Variants in ARHGEF12 observed in about 807,000 individuals in gnomAD.
ARHGEF12 encodes the protein KMT2A/ARHGEF12 fusion protein.
In ARHGEF12, 66 loss-of-function variants were observed where a neutral mutation model predicts 211.2. That is an observed-to-expected ratio of 0.31 (90% CI 0.26 to 0.38). The LOEUF (loss-of-function observed/expected upper bound fraction) is 0.38. Among genes scored for constraint, ARHGEF12 ranks in the 10% least tolerant of loss-of-function variants. The pLI is 1.00. For synonymous variants in ARHGEF12, 592 were observed against 638.4 expected (o/e 0.93, Z 1.09); for missense variants, 1,429 against 1,869.5 (o/e 0.76, Z 4.34).
At chr11:120,356,116 T>C (rs2135335970) in intron 1 of ARHGEF12, among the ~76,000 whole-genome samples, 1 of 152,396 alleles carries the variant, frequency 6.6e-6, no homozygotes. Context: ...TCTATCAGTA[T>C]GACTGCGTCT....
chr11:120,337,839 G>A (rs942423420), intron 1 of ARHGEF12: 11 of 985,320 alleles, frequency 1.1e-5, no homozygotes, highest in Non-Finnish European at 1.3e-5. Context: ...GTTCTTGCTG[G>A]AAGCAATGTC....
chr11:120,445,532 C>A, intron 16 of ARHGEF12, 68 bp downstream of exon 16: 1 of 1,460,600 alleles, frequency 6.8e-7, no homozygotes, highest in South Asian at 1.1e-5. Flanking sequence ...CTCATCTGTT[C>A]AGGTTTTATC....
intron 33 of ARHGEF12, 21 bp downstream of exon 33, chr11:120,475,528 A>T (rs1343895095): frequency 1.2e-6 from 2 of 1,608,706 alleles, no homozygotes; most frequent in South Asian, 2.2e-5. Flanking sequence ...CCACTGAAGG[A>T]TACTAATTTC....
At chr11:120,427,214 C>T (rs1333366023) in intron 7 of ARHGEF12, among the ~76,000 whole-genome samples, 4 of 152,002 alleles carry the variant, frequency 2.6e-5, no homozygotes, top group South Asian at 2.1e-4. Flanking sequence ...TCCCGCCCCC[C>T]GCAATATGTC....
intron 1 of ARHGEF12, among the ~76,000 whole-genome samples, chr11:120,352,080 A>G (rs1942996553): frequency 6.6e-6 from 1 of 152,190 alleles, no homozygotes; most frequent in Non-Finnish European, 1.5e-5. Flanking sequence ...CAATACCATT[A>G]AAGAGTTGCC....
At chr11:120,406,033 T>A (rs1356832605) in intron 1 of ARHGEF12, 85 bp from the exon 2 acceptor site, 1 of 1,021,168 alleles carries the variant, frequency 9.8e-7, no homozygotes, top group African/African-American at 1.7e-5. Flanking sequence ...AATCTCTTAT[T>A]CTGGTTCAGT....
chr11:120,420,338 G>A lies in ARHGEF12; in HGVS notation c.200-415G>A, dbSNP rs569985016. Among the ~76,000 whole-genome samples, 14 of 152,156 alleles carry A rather than the reference G, an allele frequency of 9.2e-5. No individual in the cohort carries two copies. The South Asian group carries it at 1.0e-3, about 11-fold the overall frequency. ...TTCCTTGAGATGCTCCTAGCCCCAT[G>A]TCCTAAGATGGTTGATTTTTCTTGG... On this transcript the variant is annotated intron_variant, in intron 4 of 40. Coordinates refer to ENST00000397843, the MANE Select transcript of ARHGEF12 (RefSeq NM_015313.3).
rs749302914 is a variant in ARHGEF12 at position 120,429,801 on chromosome 11, G to A, written c.753G>A (p.Glu251=). 1.2e-6 allele frequency: 2 copies of A among 1,613,786 alleles called. No homozygotes were observed. The highest frequency in any genetic ancestry group is 3.3e-5 in the Admixed American group (2 of 60,000). The change falls in exon 10 of 41, where the codon GAG becomes GAA. Residue 251 remains glutamate (E), a synonymous_variant. Coordinates refer to ENST00000397843, the MANE Select transcript of ARHGEF12 (RefSeq NM_015313.3). ...EAKKHIPQLQ[E]QLSKATGSAQ... is the part of the protein sequence containing the mutation. ...AGAAACACATTCCTCAGCTGCAAGA[G>A]CAGTTATCCAAAGCCACAGGCTCTG...
At chr11:120,420,616 TA>T in intron 4 of ARHGEF12, 136 bp from the exon 5 acceptor site, 1 of 661,232 alleles carries the variant, frequency 1.5e-6, no homozygotes, top group Non-Finnish European at 2.6e-6. Context: ...TTAGTGTTCT[TA>T]TTTTACCATG....
intron 1 of ARHGEF12, chr11:120,385,526 A>C (rs1944003146): frequency 1.0e-6 from 1 of 975,326 alleles, no homozygotes; most frequent in Non-Finnish European, 1.2e-6. Context: ...TCGTGTATAA[A>C]ATGGAGCAAA....
At chr11:120,355,254 A>G (rs1943099962) in intron 1 of ARHGEF12, among the ~76,000 whole-genome samples, 2 of 152,208 alleles carry the variant, frequency 1.3e-5, no homozygotes, top group Admixed American at 6.5e-5. Flanking sequence ...GCAGCATTTC[A>G]GTCTTGTCAC....
chr11:120,447,022 G>A lies in ARHGEF12; in HGVS notation c.1526G>A (p.Arg509Gln), dbSNP rs138160103. 2.2e-3 allele frequency: 3,474 copies of A among 1,614,192 alleles called. 8 individuals are homozygous for A. Among genetic ancestry groups the A allele is most frequent in the Non-Finnish European group, 2.7e-3 (3,140 of 1,180,018 alleles). Residue 509 changes from arginine (R) to glutamine (Q), a missense_variant, in exon 18 of 41, where the codon CGA (arginine) becomes CAA (glutamine). Transcript: ENST00000397843. ...TKLDAERDKD[R>Q]LTLEKERTCA... ...CTTGATGCAGAGCGAGACAAGGACC[G>A]ATTGACTTTGGAGAAGGAGCGGACA...
At position 120,449,038 on chromosome 11, in the gene ARHGEF12, A is replaced by C. The variant is rs371420666; in HGVS notation, c.1738-71A>C. 6.3e-6 allele frequency: 8 copies of C among 1,269,664 alleles called. No homozygotes were observed. The East Asian group carries it at 7.3e-5, about 12-fold the overall frequency. 78.6% of individuals were successfully genotyped at this position (1,269,664 alleles called of 1,614,324 possible). ...CAATTTCTTTGAACTAACCATTAGC[A>C]TTACACTATGAAAATCGCAAAAGAA... On this transcript the variant is annotated intron_variant, in intron 20 of 40. Coordinates refer to ENST00000397843, the MANE Select transcript of ARHGEF12 (RefSeq NM_015313.3).
At chr11:120,447,495 TG>T (rs1288931739) in intron 18 of ARHGEF12, among the ~76,000 whole-genome samples, 2 of 152,200 alleles carry the variant, frequency 1.3e-5, no homozygotes, top group African/African-American at 4.8e-5. Context: ...CATTTGGCTC[TG>T]TTCTGTTATT....
At chr11:120,423,631 A>G (rs1945262723) in intron 6 of ARHGEF12, among the ~76,000 whole-genome samples, 1 of 152,122 alleles carries the variant, frequency 6.6e-6, no homozygotes, top group Non-Finnish European at 1.5e-5. Context: ...GCCAGTCGTA[A>G]TGTATAATGT....
At chr11:120,409,997 T>C (rs1172701662) in intron 4 of ARHGEF12, 1 of 152,258 alleles carries the variant, frequency 6.6e-6, no homozygotes, top group East Asian at 1.9e-4. Flanking sequence ...AATACGTAAG[T>C]ATTTTATCTT....
Position 120,487,701 on chromosome 11 carries a change from C to T in ARHGEF12, c.*2624C>T. 4.6e-6 allele frequency: 1 copy of T among 219,458 alleles called. No homozygotes were observed. The highest frequency in any genetic ancestry group is 9.1e-6 in the Non-Finnish European group (1 of 109,364). 13.6% of individuals were successfully genotyped at this position (219,458 alleles called of 1,614,324 possible). ...CTACCTTCCCAGAGCAAGCAGGCTG[C>T]ATTTTAGCTATGGAAGTGACCTGCT... On this transcript the variant is annotated 3_prime_UTR_variant, in exon 41 of 41. Transcript: ENST00000397843.
At chr11:120,458,297 T>C in intron 25 of ARHGEF12, 63 bp downstream of exon 25, 1 of 1,590,380 alleles carries the variant, frequency 6.3e-7, no homozygotes, top group Non-Finnish European at 8.6e-7. Flanking sequence ...GTGAATTAAG[T>C]CTCTCAGCCT....
chr11:120,409,797 A>G (rs1212559557), intron 4 of ARHGEF12: 2 of 189,796 alleles, frequency 1.1e-5, no homozygotes, highest in Non-Finnish European at 2.2e-5. Flanking sequence ...TCTTCTTCCC[A>G]CATCTCATTT....
Sources: gnomAD v4.1 joint callset for allele counts (sites outside exome capture counted in the v4.1 genomes callset) on GRCh38, gnomAD v4.1.1 for gene constraint, MANE v1.5 for transcripts, NCBI Gene and HGNC (gene_info 2026-07-23, HGNC 2026-07-21) for gene names.